Variants in TOP3A observed in about 807,000 individuals in gnomAD.
TOP3A encodes DNA topoisomerase 3-alpha.
Under a neutral mutation model 111.3 loss-of-function variants are expected in TOP3A, and 64 were observed. That is an observed-to-expected ratio of 0.57 (90% CI 0.47 to 0.71). The LOEUF is 0.71. Among genes scored for constraint, TOP3A ranks in the 30% least tolerant of loss-of-function variants. TOP3A has a pLI of 0.00. For missense variants in TOP3A, 1,104 were observed against 1,285.0 expected, an observed-to-expected ratio of 0.86 and a Z score of 2.15; for synonymous variants, 484 against 485.1, an observed-to-expected ratio of 1.00 and a Z score of 0.03.
At chr17:18,305,345 G>C (rs1597984825) in intron 4 of TOP3A, 125 bp from the exon 5 acceptor site, 3 of 766,788 alleles carry the variant, frequency 3.9e-6, no homozygotes, top group South Asian at 1.6e-5. Flanking sequence ...CTTGGCAAGG[G>C]AAAGAGAACA....
At position 18,305,036 on chromosome 17, in the gene TOP3A, T is replaced by C. The variant is rs1981466696; in HGVS notation, c.499+76A>G. 4 of 1,241,064 alleles carry C rather than the reference T, an allele frequency of 3.2e-6. No homozygotes were observed. The Admixed American group carries it at 5.1e-5, about 16-fold the overall frequency. 76.9% of individuals were successfully genotyped at this position (1,241,064 alleles called of 1,614,324 possible). On this transcript the variant is annotated intron_variant, in intron 5 of 18. Transcript: ENST00000321105. ...TGCAGAGGACCTCATCCGTGGCCCA[T>C]GTGCACATATAAACAAGAACACTCT...
intron 4 of TOP3A, among the ~76,000 whole-genome samples, chr17:18,305,503 C>T (rs533993597): frequency 6.0e-4 from 91 of 152,096 alleles, no homozygotes; most frequent in Non-Finnish European, 8.4e-4. Context: ...CGCGCGCGCG[C>T]GCACGCACAC....
chr17:18,293,888 C>T (rs1004424897), intron 10 of TOP3A, among the ~76,000 whole-genome samples: 4 of 152,216 alleles, frequency 2.6e-5, no homozygotes, highest in African/African-American at 9.7e-5. Flanking sequence ...AGCCACCACG[C>T]CCAGCATAAT....
intron 17 of TOP3A, 59 bp downstream of exon 17, chr17:18,280,477 C>A (rs1979686799): frequency 6.3e-7 from 1 of 1,575,654 alleles, no homozygotes; most frequent in East Asian, 2.3e-5. Flanking sequence ...CTGGCAGGAG[C>A]AAGGGAAAGA....
Position 18,290,907 on chromosome 17 carries a change from G to A in TOP3A, c.1402C>T (p.His468Tyr), listed in dbSNP as rs1980432913. Residue 468 changes from histidine (H) to tyrosine (Y), a missense_variant, in exon 12 of 19, where the codon CAT becomes TAT. Transcript: ENST00000321105. ...TTTCGGGCCAGAATCATGAGGCCAT[G>A]GGCCACAAAGCGTTCCTGAGCGATG... ...IDIAQERFVA[H>Y]GLMILARNYL... 1 of 1,614,186 alleles carries A rather than the reference G, an allele frequency of 6.2e-7. No individual in the cohort carries two copies. Among genetic ancestry groups the A allele is most frequent in the Non-Finnish European group, 8.5e-7 (1 of 1,180,040 alleles).
chr17:18,299,954 CTGT>C (rs762977957), intron 8 of TOP3A, among the ~76,000 whole-genome samples: 17 of 152,196 alleles, frequency 1.1e-4, no homozygotes, highest in Non-Finnish European at 2.1e-4. Context: ...AGTGCTCTTT[CTGT>C]TGTTGTTTTC....
intron 10 of TOP3A, among the ~76,000 whole-genome samples, chr17:18,293,698 G>A (rs1567743138): frequency 6.6e-6 from 1 of 152,052 alleles, no homozygotes; most frequent in Non-Finnish European, 1.5e-5. Flanking sequence ...CCGGGTTCAA[G>A]CAATTCTCTT....
chr17:18,298,613 G>A (rs534247379), intron 9 of TOP3A, among the ~76,000 whole-genome samples: 2 of 151,784 alleles, frequency 1.3e-5, no homozygotes, highest in Non-Finnish European at 1.5e-5. Context: ...GAATAGAAAG[G>A]GGGGAAGGGT....
rs1436944433 is a variant in TOP3A, at chr17:18,314,721, C to T, written c.58G>A (p.Ala20Thr). 21 of 1,599,478 alleles carry T rather than the reference C, an allele frequency of 1.3e-5. No individual in the cohort carries two copies. In the East Asian group the frequency reaches 2.3e-4, roughly 17 times the overall value. ...LRWLRRPEDR[A>T]FSRAAMEMAL... ...ATCTCCATGGCGGCGCGGGAAAAGG[C>T]ACGGTCTTCGGGCCGTCGCAGCCAC... Residue 20 changes from alanine to threonine, a missense_variant, in exon 1 of 19, where the codon GCC becomes ACC. Ala to Thr is a moderately conservative substitution (Grantham distance 58). Transcript: ENST00000321105.
At chr17:18,276,323 C>A (rs2142928970) in intron 18 of TOP3A, among the ~76,000 whole-genome samples, 1 of 152,326 alleles carries the variant, frequency 6.6e-6, no homozygotes, top group East Asian at 1.9e-4. Flanking sequence ...GACAGTCAGT[C>A]AGCCAGCCTG....
At chr17:18,312,937 T>C (rs1982002443) in intron 1 of TOP3A, 1 of 152,300 alleles carries the variant, frequency 6.6e-6, no homozygotes, top group African/African-American at 2.4e-5. Flanking sequence ...GCCAACACAG[T>C]GAAACTACTA....
At chr17:18,312,623 G>C (rs1162416569) in intron 1 of TOP3A, 2 of 182,644 alleles carry the variant, frequency 1.1e-5, no homozygotes, top group Non-Finnish European at 2.4e-5. Context: ...CCTAGAAAAG[G>C]CAAAGGCTAA....
chr17:18,274,255 A>G lies in TOP3A; in HGVS notation c.*547T>C, dbSNP rs1597949004. ...CCCGGCCTGGGTTCTTTATTAAAGC[A>G]ATGAATTCTGGATGTCCTGGCTTAA... On this transcript the variant is annotated 3_prime_UTR_variant, in exon 19 of 19. Transcript: ENST00000321105. 1 of 152,344 alleles carries G rather than the reference A, an allele frequency of 6.6e-6. No homozygotes were observed. The highest frequency in any genetic ancestry group is 1.5e-5 in the Non-Finnish European group (1 of 68,152). 9.4% of individuals were successfully genotyped at this position (152,344 alleles called of 1,614,324 possible).
At chr17:18,277,406 G>A (rs890084137) in intron 18 of TOP3A, among the ~76,000 whole-genome samples, 2 of 152,214 alleles carry the variant, frequency 1.3e-5, no homozygotes, top group African/African-American at 4.8e-5. Context: ...AATGAGGATG[G>A]AAGATGCACA....
Position 18,306,970 on chromosome 17 carries a change from GAA to G in TOP3A, c.315-6_315-5del, listed in dbSNP as rs72464530. 0.017 allele frequency: 26,583 copies of G among 1,609,154 alleles called. 256 individuals are homozygous for G. Among genetic ancestry groups the G allele is most frequent in the Non-Finnish European group, 0.019 (22,692 of 1,176,452 alleles). On this transcript the variant is annotated splice_polypyrimidine_tract_variant and splice_region_variant and intron_variant, in intron 3 of 18. Transcript: ENST00000321105. ...GACAAGAGGGTTGCAGCTCTGCCTA[GAA>G]AAGAAATGAAAACAGAGTCCCAACT... is the stretch of plus-strand genomic sequence containing the variant.
intron 7 of TOP3A, 134 bp downstream of exon 7, chr17:18,302,130 T>C (rs1356477658): frequency 1.5e-6 from 2 of 1,379,262 alleles, no homozygotes; most frequent in African/African-American, 2.9e-5. Context: ...TTTAAGTGGA[T>C]TGTAATGGGC....
chr17:18,272,140 A>C lies in TOP3A; in HGVS notation c.*2662T>G, dbSNP rs1979033646. Among the ~76,000 whole-genome samples, 1 of 152,238 alleles carries C rather than the reference A, an allele frequency of 6.6e-6. No homozygotes were observed. The highest frequency in any genetic ancestry group is 6.5e-5 in the Admixed American group (1 of 15,282). ...GACATTCTCCAAAGAATGTATACCA[A>C]TGGCCAGTAAGCCTGTGGAAAGATG... On this transcript the variant is annotated 3_prime_UTR_variant, in exon 19 of 19. Coordinates refer to ENST00000321105, the MANE Select transcript of TOP3A (RefSeq NM_004618.5).
chr17:18,292,248 G>GGGGT (rs753076079), intron 11 of TOP3A, among the ~76,000 whole-genome samples: 20 of 152,200 alleles, frequency 1.3e-4, no homozygotes, highest in Non-Finnish European at 2.6e-4. Context: ...GCAGTGACAG[G>GGGGT]GGGTGGCACG....
chr17:18,297,215 CA>C (rs1414851675), intron 9 of TOP3A, among the ~76,000 whole-genome samples: 1 of 152,160 alleles, frequency 6.6e-6, no homozygotes, highest in Non-Finnish European at 1.5e-5. Context: ...CACCTGAGGT[CA>C]GAAGTTCGAG....
Sources: gnomAD v4.1 joint callset for allele counts (sites outside exome capture counted in the v4.1 genomes callset) on GRCh38, gnomAD v4.1.1 for gene constraint, MANE v1.5 for transcripts, NCBI Gene and HGNC (gene_info 2026-07-23, HGNC 2026-07-21) for gene names.